GRK5: variants seen among roughly 807,000 people sequenced by gnomAD.
GRK5 encodes g protein-coupled receptor kinase GRK5.
GRK5 carries 40 observed loss-of-function variants against 78.4 expected under a neutral mutation model. The observed-to-expected ratio is 0.51, with a 90% confidence interval of 0.40 to 0.66. The LOEUF is 0.66. GRK5 is among the 30% of genes least tolerant of loss of function. GRK5 has a pLI of 0.00. For synonymous variants in GRK5, 289 were observed against 296.8 expected (o/e 0.97, Z 0.27); for missense variants, 598 against 759.9 (o/e 0.79, Z 2.50).
intron 4 of GRK5, among the ~76,000 whole-genome samples, chr10:119,420,204 G>A (rs779675692): frequency 1.3e-5 from 2 of 152,190 alleles, no homozygotes; most frequent in Non-Finnish European, 2.9e-5. Context: ...ATGAAGCAAT[G>A]TGTTTAGCCC....
chr10:119,382,234 GAGGCTCTGCCTTGGGCTTCGGGC>G (rs1277887442), intron 3 of GRK5, among the ~76,000 whole-genome samples: 2 of 151,846 alleles, frequency 1.3e-5, no homozygotes, highest in Non-Finnish European at 2.9e-5. Flanking sequence ...GGGCTTAGGG[GAGGCTCTGCCTTGGGCTTCGGGC>G]AGGCTCTTGG....
intron 2 of GRK5, among the ~76,000 whole-genome samples, chr10:119,357,547 G>A (rs1356864911): frequency 6.6e-6 from 1 of 152,214 alleles, no homozygotes; most frequent in Non-Finnish European, 1.5e-5. Flanking sequence ...AGTGGGGGAA[G>A]CATTAGTCTG....
intron 1 of GRK5, among the ~76,000 whole-genome samples, chr10:119,226,313 A>ATTT (rs746259846): frequency 2.8e-5 from 3 of 108,826 alleles, no homozygotes; most frequent in Non-Finnish European, 4.0e-5. Flanking sequence ...TTTAATTTTA[A>ATTT]TTTTTTTTTT....
chr10:119,423,797 G>A (rs746916384), intron 5 of GRK5, among the ~76,000 whole-genome samples: 1 of 151,756 alleles, frequency 6.6e-6, no homozygotes, highest in South Asian at 2.1e-4. Context: ...GCTGACACAC[G>A]CAAGCACACA....
chr10:119,348,319 G>A (rs1851133755), intron 2 of GRK5, among the ~76,000 whole-genome samples: 1 of 152,190 alleles, frequency 6.6e-6, no homozygotes, highest in African/African-American at 2.4e-5. Flanking sequence ...TTTGTTTCCT[G>A]TTCTTTGTCT....
chr10:119,406,121 T>C (rs1411247149), intron 4 of GRK5, among the ~76,000 whole-genome samples: 3 of 152,228 alleles, frequency 2.0e-5, no homozygotes, highest in Non-Finnish European at 4.4e-5. Context: ...TACTTCATGA[T>C]GGAAGGCTTG....
chr10:119,279,516 T>C (rs936496730), intron 1 of GRK5, among the ~76,000 whole-genome samples: 1 of 152,108 alleles, frequency 6.6e-6, no homozygotes, highest in Non-Finnish European at 1.5e-5. Flanking sequence ...TCGGTGCTAC[T>C]AGGGGGGTGG....
At chr10:119,260,800 T>C (rs909154994) in intron 1 of GRK5, among the ~76,000 whole-genome samples, 2 of 151,344 alleles carry the variant, frequency 1.3e-5, no homozygotes, top group Non-Finnish European at 3.0e-5. Flanking sequence ...CTCCCATGTC[T>C]ACTTCTTTCT....
At chr10:119,208,945 G>A (rs1331711375) in intron 1 of GRK5, among the ~76,000 whole-genome samples, 2 of 151,790 alleles carry the variant, frequency 1.3e-5, no homozygotes, top group Admixed American at 6.6e-5. Context: ...GAGCTCTAGT[G>A]TGCGACCTTT....
intron 1 of GRK5, among the ~76,000 whole-genome samples, chr10:119,299,511 T>A (rs182798861): frequency 2.8e-4 from 43 of 152,256 alleles, no homozygotes; most frequent in Non-Finnish European, 6.2e-4. Flanking sequence ...CTTAAGTTCA[T>A]CTAACTCAGT....
intron 4 of GRK5, among the ~76,000 whole-genome samples, chr10:119,397,263 C>T (rs1456488651): frequency 2.0e-5 from 3 of 152,148 alleles, no homozygotes; most frequent in Non-Finnish European, 2.9e-5. Flanking sequence ...GGGGCCACCC[C>T]GACCCCACCT....
At chr10:119,413,192 C>G (rs920549842) in intron 4 of GRK5, among the ~76,000 whole-genome samples, 1 of 151,988 alleles carries the variant, frequency 6.6e-6, no homozygotes, top group Non-Finnish European at 1.5e-5. Flanking sequence ...ACTTCTCCCC[C>G]ACCCAGCAAC....
chr10:119,458,297 TG>T lies in GRK5; in HGVS notation c.*3231del, dbSNP rs1182154937. On this transcript the variant is annotated 3_prime_UTR_variant, in exon 16 of 16. Transcript: ENST00000392870. ...GCGGTCTCTGCCATGGTCACCATGATGCCCTACAAGTGTTTATTGAGTCCCC... is the reference window on the plus strand; with the variant it reads ...GCGGTCTCTGCCATGGTCACCATGATCCCTACAAGTGTTTATTGAGTCCCC... 29 of 152,256 alleles carry T rather than the reference TG, an allele frequency of 1.9e-4. No homozygotes were observed. The highest frequency in any genetic ancestry group is 1.9e-3 in the Admixed American group (29 of 15,286). 9.4% of individuals were successfully genotyped at this position (152,256 alleles called of 1,614,324 possible). A position where few individuals can be genotyped will look rare whatever the true frequency, so the allele number is the denominator to read the frequency against.
At chr10:119,218,326 G>A (rs1848608350) in intron 1 of GRK5, among the ~76,000 whole-genome samples, 1 of 152,248 alleles carries the variant, frequency 6.6e-6, no homozygotes, top group African/African-American at 2.4e-5. Flanking sequence ...GGGAAGGGGA[G>A]GGGGTAGGAG....
intron 4 of GRK5, among the ~76,000 whole-genome samples, chr10:119,414,317 G>A (rs1324020528): frequency 3.3e-5 from 5 of 152,244 alleles, no homozygotes; most frequent in Admixed American, 1.3e-4. Flanking sequence ...GCTAATGAGC[G>A]CGGAGCTCCT....
At position 119,395,845 on chromosome 10, in the gene GRK5, T is replaced by C. The variant is rs1324141770; in HGVS notation, c.262-850T>C. On this transcript the variant is annotated intron_variant, in intron 3 of 15. Transcript: ENST00000392870. ...AGGTTCGAGTCCCAGCCCTGCCACC[T>C]CCCGCTGCATGACCCTATGCAAGTC... 1.6e-4 allele frequency among the ~76,000 whole-genome samples: 24 copies of C among 152,256 alleles called. No individual in the cohort carries two copies. The East Asian group carries it at 4.4e-3, about 28-fold the overall frequency.
chr10:119,357,767 C>T (rs1851287314), intron 2 of GRK5, among the ~76,000 whole-genome samples: 1 of 151,576 alleles, frequency 6.6e-6, no homozygotes, highest in South Asian at 2.1e-4. Flanking sequence ...TTCTTGGCCA[C>T]GTAGTTAAGT....
chr10:119,291,953 T>TCTCTTCCTCCTCTTTTTCCTC (rs1564879490), intron 1 of GRK5, among the ~76,000 whole-genome samples: 2 of 73,424 alleles, frequency 2.7e-5, no homozygotes. Context: ...TTTTCCTCCT[T>TCTCTTCCTCCTCTTTTTCCTC]CTCCTCCTCT....
chr10:119,348,231 T>G (rs939325603), intron 2 of GRK5, among the ~76,000 whole-genome samples: 4 of 152,212 alleles, frequency 2.6e-5, no homozygotes, highest in Non-Finnish European at 5.9e-5. Context: ...ATAGCTCAGT[T>G]TGATGTCAAA....
Sources: gnomAD v4.1 joint callset for allele counts (sites outside exome capture counted in the v4.1 genomes callset) on GRCh38, gnomAD v4.1.1 for gene constraint, MANE v1.5 for transcripts, NCBI Gene and HGNC (gene_info 2026-07-23, HGNC 2026-07-21) for gene names.